SPI1: variants seen among roughly 807,000 people sequenced by gnomAD.
The protein encoded by SPI1 is Spi-1 proto-oncogene.
Under a neutral mutation model 30.7 loss-of-function variants are expected in SPI1, and 3 were observed. The ratio of observed to expected loss-of-function variants is 0.10; its 90% confidence interval spans 0.04 to 0.25. The LOEUF (loss-of-function observed/expected upper bound fraction) is 0.25, where lower values mean the gene tolerates loss of function less well. Ranked by LOEUF, SPI1 falls within the 10% of genes least tolerant of loss-of-function variation. The probability of loss-of-function intolerance (pLI) is 1.00; values close to 1 mark genes in which losing one functional copy is unlikely to be tolerated. For missense variants in SPI1, 261 were observed against 371.5 expected (o/e 0.70, Z 2.45); for synonymous variants, 169 against 157.1 (o/e 1.08, Z -0.56).
At position 47,375,926 on chromosome 11, in the gene SPI1, CT is replaced by C. The variant is rs1023462925; in HGVS notation, c.46-198del. Among the ~76,000 whole-genome samples the C allele has an allele frequency of 6.6e-5, 10 of 152,180 alleles. No individual in the cohort carries two copies. The highest frequency in any genetic ancestry group is 2.4e-4 in the African/African-American group (10 of 41,520). The stretch of plus-strand genomic sequence containing the variant: ...AGGCCTGAAAAGGGGTGACAGGGAC[CT>C]TGGGGGTGAGAGGTCAGAAGAGGAC... On this transcript the variant is annotated intron_variant, in intron 1 of 4. Coordinates refer to ENST00000378538, the MANE Select transcript of SPI1 (RefSeq NM_003120.3). The surrounding 1 kb of genome is among the most constrained non-coding windows in gnomAD (Gnocchi z 4.2).
At chr11:47,376,523 G>T (rs1344758796) in intron 1 of SPI1, among the ~76,000 whole-genome samples, 1 of 151,912 alleles carries the variant, frequency 6.6e-6, no homozygotes, top group African/African-American at 2.4e-5. Context: ...TCCCTCCTGA[G>T]TCCTCCCTAT....
Position 47,357,432 on chromosome 11 carries a change from C to T in SPI1, c.493+1412G>A, listed in dbSNP as rs149045916. On this transcript the variant is annotated intron_variant, in intron 4 of 4. Coordinates refer to ENST00000378538, the MANE Select transcript of SPI1 (RefSeq NM_003120.3). ...ATGCATATCCACTTGCATGCTTACA[C>T]GCCTGTTCACACACAACCACTCAGA... Among the ~76,000 whole-genome samples the T allele has an allele frequency of 1.0e-3, 158 of 152,210 alleles. 1 individual carries two copies. The highest frequency in any genetic ancestry group is 4.4e-3 in the South Asian group (21 of 4,826).
rs2095941087 is a variant in SPI1 at position 47,375,558 on chromosome 11, A to C, written c.142+75T>G. On this transcript the variant is annotated intron_variant, in intron 2 of 4. Coordinates refer to ENST00000378538, the MANE Select transcript of SPI1 (RefSeq NM_003120.3). The surrounding 1 kb of genome is among the most constrained non-coding windows in gnomAD (Gnocchi z 4.2). ...TCCAAAGAAGTCCTGGGAATCATTT[A>C]TTCTTTTTCTCTCTCCAGACCCCAG... 10 of 1,165,126 alleles carry C rather than the reference A, an allele frequency of 8.6e-6. No individual in the cohort carries two copies. The highest frequency in any genetic ancestry group is 1.3e-5 in the Non-Finnish European group (10 of 781,588). 72.2% of individuals were successfully genotyped at this position (1,165,126 alleles called of 1,614,324 possible). A position where few individuals can be genotyped will look rare whatever the true frequency, so the allele number is the denominator to read the frequency against.
At chr11:47,373,266 C>T (rs983286520) in intron 2 of SPI1, among the ~76,000 whole-genome samples, 4 of 152,002 alleles carry the variant, frequency 2.6e-5, no homozygotes, top group South Asian at 2.1e-4. Flanking sequence ...GCAGGAGAAT[C>T]GCTTGAATCC....
In SPI1 at chr11:47,359,983, T is replaced by C. The variant is rs1267689361; in HGVS notation, c.200A>G (p.Glu67Gly). Reference protein sequence around the residue: ...HVHSEFESFAENNFTELQSVQ... With the variant: ...HVHSEFESFAGNNFTELQSVQ... ...GCTCTGGAGCTCCGTGAAGTTGTTC[T>C]CGGCGAAGCTCTCGAACTCGCTGTG... is the stretch of plus-strand genomic sequence containing the variant. The change falls in exon 3 of 5, where the codon GAG becomes GGG. Residue 67 changes from glutamate to glycine, a missense_variant. By Grantham distance (98) the Glu-to-Gly change is moderately conservative (BLOSUM62 -2). Transcript: ENST00000378538. The surrounding 1 kb of genome is among the most constrained non-coding windows in gnomAD (Gnocchi z 5.1). The C allele has an allele frequency of 1.4e-5, 23 of 1,606,740 alleles. No individual in the cohort carries two copies. Among genetic ancestry groups the C allele is most frequent in the Non-Finnish European group, 1.7e-5 (20 of 1,176,094 alleles).
At chr11:47,356,845 C>T (rs10769256) in intron 4 of SPI1, among the ~76,000 whole-genome samples, 53,489 of 150,816 alleles carry the variant, frequency 0.35, 9,749 homozygotes, top group South Asian at 0.47. Context: ...CAGCCCCACA[C>T]GCACACACCT....
intron 2 of SPI1, among the ~76,000 whole-genome samples, chr11:47,369,506 C>A (rs1595861699): frequency 7.2e-6 from 1 of 138,232 alleles, no homozygotes; most frequent in African/African-American, 2.7e-5. Flanking sequence ...AATCATGAGA[C>A]ATTGGGAAAA....
intron 2 of SPI1, 50 bp from the exon 3 acceptor site, chr11:47,360,090 C>T (rs1460899364): frequency 3.0e-6 from 4 of 1,341,764 alleles, no homozygotes; most frequent in Non-Finnish European, 4.0e-6. Context: ...TTGGGCAGGG[C>T]AGGAAAAGGT....
At chr11:47,360,579 G>A (rs1379544982) in intron 2 of SPI1, among the ~76,000 whole-genome samples, 2 of 152,136 alleles carry the variant, frequency 1.3e-5, no homozygotes, top group Non-Finnish European at 2.9e-5. Flanking sequence ...TGTAAACCCA[G>A]CATTTTGGGA....
At chr11:47,372,541 G>T (rs2095937260) in intron 2 of SPI1, among the ~76,000 whole-genome samples, 1 of 152,176 alleles carries the variant, frequency 6.6e-6, no homozygotes, top group African/African-American at 2.4e-5. Context: ...GAGGAAAAGT[G>T]GATCAGATGG....
rs140769187 is a variant in SPI1, at chr11:47,367,012, C to T, written c.143-6972G>A. The stretch of plus-strand genomic sequence containing the variant: ...CCACAGCATCTAGCAATGTGCCTGG[C>T]ATATAAAAGATACTTAGTATATATT... On this transcript the variant is annotated intron_variant, in intron 2 of 4. Transcript: ENST00000378538. 8.3e-3 allele frequency among the ~76,000 whole-genome samples: 1,259 copies of T among 152,122 alleles called. 16 individuals are homozygous for T. The highest frequency in any genetic ancestry group is 0.029 in the African/African-American group (1,192 of 41,480).
At chr11:47,360,534 C>T (rs2095919104) in intron 2 of SPI1, among the ~76,000 whole-genome samples, 1 of 152,172 alleles carries the variant, frequency 6.6e-6, no homozygotes. Context: ...CCTGTTAAAA[C>T]CTCCCAGCCA....
chr11:47,361,436 G>C (rs1189834266), intron 2 of SPI1, among the ~76,000 whole-genome samples: 2 of 152,224 alleles, frequency 1.3e-5, no homozygotes, highest in East Asian at 3.8e-4. Context: ...GGAGACTGAA[G>C]TCCGGGGAAT....
intron 2 of SPI1, among the ~76,000 whole-genome samples, chr11:47,368,458 C>T (rs2095931418): frequency 2.0e-5 from 3 of 152,248 alleles, no homozygotes; most frequent in Admixed American, 1.3e-4. Flanking sequence ...CCACACCCTT[C>T]TTCATAGCAG....
intron 2 of SPI1, among the ~76,000 whole-genome samples, 177 bp from the exon 3 acceptor site, chr11:47,360,217 C>T (rs911339812): frequency 6.6e-6 from 1 of 152,156 alleles, no homozygotes; most frequent in African/African-American, 2.4e-5. Flanking sequence ...ACTGAGGCTT[C>T]GAGCGGCTAC....
chr11:47,355,132 G>A lies in SPI1; in HGVS notation c.*95C>T. 3 of 1,031,690 alleles carry A rather than the reference G, an allele frequency of 2.9e-6. No individual in the cohort carries two copies. The highest frequency in any genetic ancestry group is 3.7e-6 in the Non-Finnish European group (3 of 805,986). 63.9% of individuals were successfully genotyped at this position (1,031,690 alleles called of 1,614,324 possible). A position where few individuals can be genotyped will look rare whatever the true frequency, so the allele number is the denominator to read the frequency against. ...CCGGCCCGCCACAGTCCTGCCTCTG[G>A]GCCCCGGGAGCGTCCTCCCTGTGTC... is the stretch of plus-strand genomic sequence containing the variant. On this transcript the variant is annotated 3_prime_UTR_variant, in exon 5 of 5. Coordinates refer to ENST00000378538, the MANE Select transcript of SPI1 (RefSeq NM_003120.3).
intron 4 of SPI1, among the ~76,000 whole-genome samples, chr11:47,356,953 C>T (rs975383535): frequency 1.4e-5 from 2 of 145,818 alleles, no homozygotes; most frequent in African/African-American, 2.5e-5. Flanking sequence ...CACACACCCA[C>T]TCACACATGC....
chr11:47,358,951 G>C lies in SPI1; in HGVS notation c.386C>G (p.Pro129Arg). 1 of 1,560,600 alleles carries C rather than the reference G, an allele frequency of 6.4e-7. No homozygotes were observed. The highest frequency in any genetic ancestry group is 8.7e-7 in the Non-Finnish European group (1 of 1,153,192). ...LQYPSLSPAQ[P>R]SSDEEEGERQ... ...CTCGCCCTCCTCCTCATCTGAGCTG[G>C]GCTGGGCTGGGGACAGGGATGGGTA... The change falls in exon 4 of 5, where the codon CCC becomes CGC. Residue 129 changes from proline to arginine, a missense_variant. Pro to Arg is a moderately radical substitution (Grantham distance 103). This residue lies in a region of SPI1 where 106 missense variants were observed against 102.0 expected (regional missense o/e 1.04). Transcript: ENST00000378538.
chr11:47,356,762 C>T (rs185556684), intron 4 of SPI1, among the ~76,000 whole-genome samples: 287 of 151,664 alleles, frequency 1.9e-3, no homozygotes, highest in South Asian at 4.6e-3. Flanking sequence ...TATCCACTCA[C>T]ATATGATCGC....
Sources: gnomAD v4.1 joint callset for allele counts (sites outside exome capture counted in the v4.1 genomes callset) on GRCh38, gnomAD v4.1.1 for gene constraint, gnomAD v4.1.1 regional missense constraint, Gnocchi (gnomAD v3.1) non-coding constraint, MANE v1.5 for transcripts, NCBI Gene and HGNC (gene_info 2026-07-23, HGNC 2026-07-21) for gene names.